The following LRRC7 variants were observed in gnomAD, a reference collection of about 807,000 sequenced individuals.
LRRC7 encodes the protein leucine-rich repeat-containing protein 7.
In LRRC7, 23 loss-of-function variants were observed where a neutral mutation model predicts 175.7. That is an observed-to-expected ratio of 0.13 (90% CI 0.09 to 0.19). The LOEUF (loss-of-function observed/expected upper bound fraction) is 0.19, where lower values mean the gene tolerates loss of function less well. LRRC7 is among the 10% of genes least tolerant of loss of function. The pLI is 1.00. For missense variants in LRRC7, 1,354 were observed against 1,904.7 expected (o/e 0.71, Z 5.38); for synonymous variants, 685 against 680.9 (o/e 1.01, Z -0.09).
In LRRC7 at chr1:69,899,176, A is replaced by G. The variant is rs555026439; in HGVS notation, c.648-32331A>G. Among the ~76,000 whole-genome samples, 7 of 152,346 alleles carry G rather than the reference A, an allele frequency of 4.6e-5. No individual in the cohort carries two copies. In the South Asian group the frequency reaches 1.4e-3, roughly 32 times the overall value. On this transcript the variant is annotated intron_variant, in intron 7 of 26. Transcript: ENST00000651989. ...GCAGAAGCACAAAGTCTTTGTTTTT[A>G]TCTCTATTCAGGCATAATTATGAAG...
At chr1:69,910,568 T>A (rs1646491858) in intron 7 of LRRC7, among the ~76,000 whole-genome samples, 1 of 152,132 alleles carries the variant, frequency 6.6e-6, no homozygotes, top group South Asian at 2.1e-4. Flanking sequence ...GGAAGTTTTG[T>A]CTCAGAGGAG....
At chr1:69,592,709 A>G (rs1646687458) in intron 1 of LRRC7, among the ~76,000 whole-genome samples, 2 of 152,128 alleles carry the variant, frequency 1.3e-5, no homozygotes, top group Admixed American at 1.3e-4. Context: ...GATAACAGCT[A>G]ATATTTTCAT....
intron 8 of LRRC7, among the ~76,000 whole-genome samples, chr1:69,940,776 T>A (rs1017426072): frequency 6.6e-6 from 1 of 151,954 alleles, no homozygotes; most frequent in African/African-American, 2.4e-5. Flanking sequence ...ACAAGAAAAA[T>A]TATATTTAAA....
chr1:70,022,171 A>G (rs1384011698), intron 16 of LRRC7: 1 of 152,204 alleles, frequency 6.6e-6, no homozygotes, highest in Non-Finnish European at 1.5e-5. Context: ...AAATGTCTCT[A>G]GATAGTTGAT....
At chr1:69,781,936 G>GAAAT (rs771228545) in intron 3 of LRRC7, among the ~76,000 whole-genome samples, 4 of 94,266 alleles carry the variant, frequency 4.2e-5, no homozygotes, top group Non-Finnish European at 8.6e-5. Flanking sequence ...AAGAAAGAAA[G>GAAAT]AAAGAGAAAA....
chr1:69,886,482 C>A (rs1209078767), intron 7 of LRRC7, among the ~76,000 whole-genome samples: 1 of 152,076 alleles, frequency 6.6e-6, no homozygotes, highest in Non-Finnish European at 1.5e-5. Flanking sequence ...AGATCTTCCT[C>A]CATCCTTTTA....
intron 8 of LRRC7, among the ~76,000 whole-genome samples, chr1:69,955,207 CAG>C (rs947163809): frequency 6.6e-6 from 1 of 151,922 alleles, no homozygotes; most frequent in African/African-American, 2.4e-5. Flanking sequence ...AAAGTAAAAA[CAG>C]AGATGTCCTT....
intron 4 of LRRC7, among the ~76,000 whole-genome samples, chr1:69,799,156 G>A (rs1676163119): frequency 6.7e-6 from 1 of 149,308 alleles, no homozygotes; most frequent in Admixed American, 6.7e-5. Flanking sequence ...CCAATTTGTG[G>A]CTTGTCTTCA....
Position 70,021,050 on chromosome 1 carries a change from A to C in LRRC7, c.1466A>C (p.Glu489Ala). 1 of 1,612,902 alleles carries C rather than the reference A, an allele frequency of 6.2e-7. No homozygotes were observed. The highest frequency in any genetic ancestry group is 2.2e-5 in the East Asian group (1 of 44,770). ...SDSFNPTLWE[E>A]QRQQRMTVAF... ...AGCTTTAACCCTACACTGTGGGAAG[A>C]GCAGAGACAACAACGCATGACTGTT... The change falls in exon 16 of 27, where the codon GAG becomes GCG. Residue 489 changes from glutamate to alanine, a missense_variant. Coordinates refer to ENST00000651989, the MANE Select transcript of LRRC7 (RefSeq NM_001370785.2).
At chr1:70,083,979 T>G (rs1663415718) in intron 24 of LRRC7, among the ~76,000 whole-genome samples, 1 of 152,202 alleles carries the variant, frequency 6.6e-6, no homozygotes, top group South Asian at 2.1e-4. Flanking sequence ...AAGTGATCTT[T>G]TTTAATAAAC....
chr1:69,870,628 C>T (rs1685433637), intron 7 of LRRC7, among the ~76,000 whole-genome samples: 1 of 152,072 alleles, frequency 6.6e-6, no homozygotes, highest in Admixed American at 6.6e-5. Context: ...TGTATACATG[C>T]AATTCCCGAT....
chr1:69,946,325 C>A (rs1379312377), intron 8 of LRRC7, among the ~76,000 whole-genome samples: 1 of 152,076 alleles, frequency 6.6e-6, no homozygotes, highest in Non-Finnish European at 1.5e-5. Flanking sequence ...AGATAAATCC[C>A]ACTTACAAAT....
intron 1 of LRRC7, among the ~76,000 whole-genome samples, chr1:69,611,690 C>A (rs1367028031): frequency 6.6e-6 from 1 of 152,116 alleles, no homozygotes; most frequent in East Asian, 1.9e-4. Context: ...GCACATGGAA[C>A]CCTTTTTGCT....
intron 11 of LRRC7, 24 bp downstream of exon 11, chr1:69,994,657 G>C: frequency 6.4e-7 from 1 of 1,550,926 alleles, no homozygotes; most frequent in South Asian, 1.1e-5. Context: ...TTTCATTCCA[G>C]TCTGCCTCTC....
chr1:70,056,799 A>G (rs1028831581), intron 23 of LRRC7, among the ~76,000 whole-genome samples: 23 of 152,324 alleles, frequency 1.5e-4, no homozygotes, highest in African/African-American at 3.1e-4. Context: ...CTCAATTTCA[A>G]TTATGCAAGA....
chr1:70,067,963 T>G (rs1039426522), intron 23 of LRRC7, among the ~76,000 whole-genome samples: 5 of 152,210 alleles, frequency 3.3e-5, no homozygotes, highest in African/African-American at 1.2e-4. Context: ...GTTTATCTTG[T>G]ATCCCATGAC....
chr1:70,074,004 C>A (rs1662585295), intron 23 of LRRC7, among the ~76,000 whole-genome samples: 1 of 152,068 alleles, frequency 6.6e-6, no homozygotes, highest in Admixed American at 6.6e-5. Context: ...AGTTCAAGAC[C>A]AACCTGGCCA....
intron 2 of LRRC7, among the ~76,000 whole-genome samples, chr1:69,730,279 G>A (rs1333497619): frequency 6.6e-6 from 1 of 152,186 alleles, no homozygotes. Context: ...TTTCTGCAGT[G>A]GGCTTGAATG....
chr1:69,941,281 G>C (rs1648683410), intron 8 of LRRC7, among the ~76,000 whole-genome samples: 1 of 152,074 alleles, frequency 6.6e-6, no homozygotes, highest in African/African-American at 2.4e-5. Flanking sequence ...CTCTTTGGAA[G>C]GGTTTGAGCA....
Sources: gnomAD v4.1 joint callset for allele counts (sites outside exome capture counted in the v4.1 genomes callset) on GRCh38, gnomAD v4.1.1 for gene constraint, MANE v1.5 for transcripts, NCBI Gene and HGNC (gene_info 2026-07-23, HGNC 2026-07-21) for gene names.